ZNF709: variants seen among roughly 807,000 people sequenced by gnomAD.
The protein encoded by ZNF709 is zinc finger protein 709.
ZNF709 carries 15 observed loss-of-function variants against 10.6 expected under a neutral mutation model. That is an observed-to-expected ratio of 1.41 (90% CI 0.95 to 2.18). The LOEUF (loss-of-function observed/expected upper bound fraction) is 2.18. Ranked by LOEUF, ZNF709 falls within the 30% of genes most tolerant of loss-of-function variation. The pLI is 0.00. For synonymous variants in ZNF709, 194 were observed against 238.8 expected, an observed-to-expected ratio of 0.81 and a Z score of 1.73; for missense variants, 589 against 774.0, an observed-to-expected ratio of 0.76 and a Z score of 2.84.
chr19:12,465,208 A>C lies in ZNF709; in HGVS notation c.714T>G (p.Ser238=). 6.2e-7 allele frequency: 1 copy of C among 1,612,050 alleles called. No homozygotes were observed. Among genetic ancestry groups the C allele is most frequent in the East Asian group, 2.2e-5 (1 of 44,798 alleles). The change falls in exon 4 of 4, where the codon TCT becomes TCG. Residue 238 remains serine (S), a synonymous_variant. Transcript: ENST00000397732. The part of the protein sequence containing the change: ...ECGKTFSHPS[S]FRNHERTHSG... ...AGTGAGTTCTTTCATGATTTCGAAAAGAACTGGGATGACTGAACGTTTTCC... is the reference window on the plus strand; with the variant it reads ...AGTGAGTTCTTTCATGATTTCGAAACGAACTGGGATGACTGAACGTTTTCC...
intron 1 of ZNF709, among the ~76,000 whole-genome samples, chr19:12,479,800 T>C (rs1970707616): frequency 6.6e-6 from 1 of 151,690 alleles, no homozygotes; most frequent in Admixed American, 6.6e-5. Context: ...AACCTGGGAG[T>C]AGGAGACTGC....
rs1308759032 is a variant in ZNF709 at position 12,464,497 on chromosome 19, G to T, written c.1425C>A (p.Pro475=). The stretch of plus-strand genomic sequence containing the variant: ...CTTTACCACACTGTTTACATTCATA[G>T]GGTTTCTCTCCAGTGTGAATTCTTT... ...MHERIHTGEK[P]YECKQCGKAF... is the part of the protein sequence containing the mutation. The change falls in exon 4 of 4, where the codon CCC becomes CCA. Residue 475 remains proline, a synonymous_variant. Transcript: ENST00000397732. The T allele has an allele frequency of 6.2e-7, 1 of 1,612,536 alleles. No individual in the cohort carries two copies. The highest frequency in any genetic ancestry group is 8.5e-7 in the Non-Finnish European group (1 of 1,179,576).
At position 12,461,465 on chromosome 19, in the gene ZNF709, G is replaced by C. The variant is rs780781136; in HGVS notation, c.*2531C>G. 6.6e-6 allele frequency: 1 copy of C among 152,046 alleles called. No homozygotes were observed. Among genetic ancestry groups the C allele is most frequent in the African/African-American group, 2.4e-5 (1 of 41,416 alleles). The allele number at this position is 152,046 out of a possible 1,614,324, so 9.4% of individuals were successfully genotyped here. On this transcript the variant is annotated 3_prime_UTR_variant, in exon 4 of 4. Transcript: ENST00000397732. ...GTAGGACTGGGTAAGTGCATTCCCTGCACAGTGCAGTGGAGAAGCAGACAC... is the reference window on the plus strand; with the variant it reads ...GTAGGACTGGGTAAGTGCATTCCCTCCACAGTGCAGTGGAGAAGCAGACAC...
chr19:12,483,599 C>T (rs1045539031), intron 1 of ZNF709, among the ~76,000 whole-genome samples: 5 of 151,962 alleles, frequency 3.3e-5, no homozygotes, highest in Non-Finnish European at 5.9e-5. Flanking sequence ...TGCAGTGGCG[C>T]AATCTCATCT....
intron 1 of ZNF709, chr19:12,481,121 C>T (rs1364052413): frequency 1.0e-6 from 1 of 975,584 alleles, no homozygotes; most frequent in African/African-American, 1.8e-5. Flanking sequence ...CATGCACATA[C>T]AAAAACCGAT....
rs1447102009 is a variant in ZNF709 at position 12,461,463 on chromosome 19, C to T, written c.*2533G>A. ...CTGTAGGACTGGGTAAGTGCATTCC[C>T]TGCACAGTGCAGTGGAGAAGCAGAC... On this transcript the variant is annotated 3_prime_UTR_variant, in exon 4 of 4. Coordinates refer to ENST00000397732, the MANE Select transcript of ZNF709 (RefSeq NM_152601.4). 5.9e-5 allele frequency: 9 copies of T among 152,048 alleles called. No individual in the cohort carries two copies. The highest frequency in any genetic ancestry group is 1.9e-4 in the African/African-American group (8 of 41,392). The allele number at this position is 152,048 out of a possible 1,614,324, so 9.4% of individuals were successfully genotyped here.
chr19:12,482,305 C>T (rs1416357890), intron 1 of ZNF709, among the ~76,000 whole-genome samples: 2 of 152,064 alleles, frequency 1.3e-5, no homozygotes, highest in Non-Finnish European at 2.9e-5. Flanking sequence ...CATACACAAG[C>T]TTGGGGCCCA....
At chr19:12,466,592 G>T in intron 2 of ZNF709, 73 bp from the exon 3 acceptor site, 3 of 1,603,512 alleles carry the variant, frequency 1.9e-6, no homozygotes, top group Non-Finnish European at 2.6e-6. Flanking sequence ...CTAAATCTAG[G>T]ATGAGCTGTT....
At chr19:12,481,957 GAAGGAAAGGAAGAAGGA>G (rs71166686) in intron 1 of ZNF709, among the ~76,000 whole-genome samples, 35,517 of 141,338 alleles carry the variant, frequency 0.25, 4,860 homozygotes, top group South Asian at 0.34. Flanking sequence ...AAGAAAGGAG[GAAGGAAAGGAAGAAGGA>G]AAGGAAAGGA....
chr19:12,467,700 G>C (rs1049439302), intron 1 of ZNF709, among the ~76,000 whole-genome samples: 1 of 151,548 alleles, frequency 6.6e-6, no homozygotes, highest in Admixed American at 6.6e-5. Flanking sequence ...AGTGAGGAGC[G>C]TCTCTGCCCG....
intron 1 of ZNF709, among the ~76,000 whole-genome samples, chr19:12,480,070 C>CAGAGGTGAAAGGAGTT (rs1255448856): frequency 6.6e-6 from 1 of 151,570 alleles, no homozygotes; most frequent in East Asian, 1.9e-4. Flanking sequence ...ACTTGGGAGG[C>CAGAGGTGAAAGGAGTT]AGAGGTGAAA....
At chr19:12,471,913 AG>A (rs1356850331) in intron 1 of ZNF709, among the ~76,000 whole-genome samples, 16 of 152,376 alleles carry the variant, frequency 1.1e-4, no homozygotes, top group African/African-American at 3.6e-4. Flanking sequence ...TAAGCCATAA[AG>A]GATGAGACTG....
chr19:12,479,421 T>C (rs1031610260), intron 1 of ZNF709, among the ~76,000 whole-genome samples: 2 of 152,242 alleles, frequency 1.3e-5, no homozygotes, highest in East Asian at 3.8e-4. Context: ...TCAACTATTG[T>C]GGATTTTTTT....
rs1970576896 is a variant in ZNF709, at chr19:12,467,029, G to A, written c.4-179C>T. On this transcript the variant is annotated intron_variant, in intron 1 of 3. Coordinates refer to ENST00000397732, the MANE Select transcript of ZNF709 (RefSeq NM_152601.4). Reference sequence around the variant, plus strand: ...AAATTTAACACCACCATGAATACTTGGAAATTATTTCTACATTTTTAGTAT... The same window carrying A: ...AAATTTAACACCACCATGAATACTTAGAAATTATTTCTACATTTTTAGTAT... Among the ~76,000 whole-genome samples, 2 of 152,116 alleles carry A rather than the reference G, an allele frequency of 1.3e-5. 1 individual carries two copies. The highest frequency in any genetic ancestry group is 4.1e-4 in the South Asian group (2 of 4,824).
chr19:12,463,871 G>C lies in ZNF709; in HGVS notation c.*125C>G. On this transcript the variant is annotated 3_prime_UTR_variant, in exon 4 of 4. Transcript: ENST00000397732. ...GAACCCAGGAGACAGAGGTTGCAGTGAGCTGAGATCACTCTACTGCACTCC... is the reference window on the plus strand; with the variant it reads ...GAACCCAGGAGACAGAGGTTGCAGTCAGCTGAGATCACTCTACTGCACTCC... 2.7e-6 allele frequency: 2 copies of C among 748,218 alleles called. No individual in the cohort carries two copies. Among genetic ancestry groups the C allele is most frequent in the Non-Finnish European group, 3.8e-6 (2 of 520,232 alleles). 46.3% of individuals were successfully genotyped at this position (748,218 alleles called of 1,614,324 possible).
intron 1 of ZNF709, among the ~76,000 whole-genome samples, chr19:12,467,294 C>T (rs1326645240): frequency 6.6e-6 from 1 of 152,222 alleles, no homozygotes; most frequent in Non-Finnish European, 1.5e-5. Context: ...CGCGCGCCGC[C>T]ACGCCTGACT....
Position 12,464,354 on chromosome 19 carries a change from T to C in ZNF709, c.1568A>G (p.Glu523Gly), listed in dbSNP as rs187680484. The C allele has an allele frequency of 6.2e-7, 1 of 1,612,180 alleles. No individual in the cohort carries two copies. The highest frequency in any genetic ancestry group is 2.2e-5 in the East Asian group (1 of 44,858). Reference protein sequence around the residue: ...FSCSSSFRMHERTHTGEKPYE... With the variant: ...FSCSSSFRMHGRTHTGEKPYE... ...GGGTTTCTCCCCAGTGTGAGTCCTTTCATGCATTCGAAAGGAACTGGAACA... is the reference window on the plus strand; with the variant it reads ...GGGTTTCTCCCCAGTGTGAGTCCTTCCATGCATTCGAAAGGAACTGGAACA... Residue 523 changes from glutamate (E) to glycine (G), a missense_variant, in exon 4 of 4, where the codon GAA (glutamate) becomes GGA (glycine). By Grantham distance (98) the Glu-to-Gly change is moderately conservative. Transcript: ENST00000397732.
chr19:12,484,162 T>C (rs1970756858), intron 1 of ZNF709, among the ~76,000 whole-genome samples: 1 of 152,120 alleles, frequency 6.6e-6, no homozygotes, highest in African/African-American at 2.4e-5. Context: ...AATTTAGGGA[T>C]TTAATCCCAG....
chr19:12,469,046 TAG>T (rs1970611060), intron 1 of ZNF709, among the ~76,000 whole-genome samples: 1 of 152,136 alleles, frequency 6.6e-6, no homozygotes, highest in African/African-American at 2.4e-5. Flanking sequence ...TTCACTATGT[TAG>T]CCAGGATGGT....
Sources: gnomAD v4.1 joint callset for allele counts (sites outside exome capture counted in the v4.1 genomes callset) on GRCh38, gnomAD v4.1.1 for gene constraint, MANE v1.5 for transcripts, NCBI Gene and HGNC (gene_info 2026-07-23, HGNC 2026-07-21) for gene names.